Variants in EIF2B3 observed in about 807,000 individuals in gnomAD.
EIF2B3 encodes translation initiation factor eIF2B subunit gamma.
In EIF2B3, 20 loss-of-function variants were observed where a neutral mutation model predicts 54.1. The ratio of observed to expected loss-of-function variants is 0.37; its 90% confidence interval spans 0.26 to 0.54. The LOEUF is 0.54. Among genes scored for constraint, EIF2B3 ranks in the 20% least tolerant of loss-of-function variants. The pLI, the probability that EIF2B3 is intolerant of heterozygous loss-of-function variation, is 0.86. For synonymous variants in EIF2B3, 153 were observed against 188.1 expected (o/e 0.81, Z 1.52); for missense variants, 448 against 547.8 (o/e 0.82, Z 1.82).
intron 10 of EIF2B3, among the ~76,000 whole-genome samples, chr1:44,866,656 G>A (rs1287656339): frequency 6.6e-6 from 1 of 151,950 alleles, no homozygotes; most frequent in Admixed American, 6.6e-5. Flanking sequence ...CCCGGTTTAA[G>A]CGATTCTCCT....
chr1:44,866,624 G>A (rs983731340), intron 10 of EIF2B3, among the ~76,000 whole-genome samples: 7 of 151,516 alleles, frequency 4.6e-5, no homozygotes, highest in African/African-American at 1.7e-4. Flanking sequence ...GTGCAACCTC[G>A]GCTCACTGCA....
intron 10 of EIF2B3, among the ~76,000 whole-genome samples, chr1:44,868,757 C>G (rs1259908596): frequency 6.6e-6 from 1 of 152,136 alleles, no homozygotes; most frequent in African/African-American, 2.4e-5. Context: ...TTACCTGGAA[C>G]CAGGTGATCA....
chr1:44,941,514 T>A lies in EIF2B3; in HGVS notation c.446A>T (p.Lys149Ile). 1 of 1,604,830 alleles carries A rather than the reference T, an allele frequency of 6.2e-7. No individual in the cohort carries two copies. The highest frequency in any genetic ancestry group is 8.5e-7 in the Non-Finnish European group (1 of 1,176,274). The change falls in exon 4 of 12, where the codon AAA (lysine) becomes ATA (isoleucine). Residue 149 changes from lysine to isoleucine, a missense_variant. Physicochemically the swap from Lys to Ile is moderately radical, Grantham distance 102 (BLOSUM62 -3). Coordinates refer to ENST00000360403, the MANE Select transcript of EIF2B3 (RefSeq NM_020365.5). ...IEPVPGQKGK[K>I]KAVEQRDFIG... Reference sequence around the variant, plus strand: ...ACTCCAATCTTCCTTACCTGCTTTTTTTTTCCCCTTTTGACCGGGAACAGG... The same window carrying A: ...ACTCCAATCTTCCTTACCTGCTTTTATTTTCCCCTTTTGACCGGGAACAGG...
In EIF2B3 at chr1:44,942,377, TTATATATATATATATATA is replaced by T. The variant is rs1170326455; in HGVS notation, c.295-730_295-713del. Among the ~76,000 whole-genome samples, 15 of 21,598 alleles carry T rather than the reference TTATATATATATATATATA, an allele frequency of 6.9e-4. 1 individual carries two copies. The highest frequency in any genetic ancestry group is 6.5e-3 in the South Asian group (3 of 460). The allele number at this position is 21,598 out of a possible 152,430, so 14.2% of individuals were successfully genotyped here. A position where few individuals can be genotyped will look rare whatever the true frequency, so the allele number is the denominator to read the frequency against. On this transcript the variant is annotated intron_variant, in intron 3 of 11. Coordinates refer to ENST00000360403, the MANE Select transcript of EIF2B3 (RefSeq NM_020365.5). ...TCTCTTATTGGTGGGCTTTCTGATT[TTATATATATATATATATA>T]TATATATATATATATATATATATTT...
At chr1:44,975,214 A>G (rs1557713261) in intron 3 of EIF2B3, among the ~76,000 whole-genome samples, 1 of 151,914 alleles carries the variant, frequency 6.6e-6, no homozygotes, top group Non-Finnish European at 1.5e-5. Flanking sequence ...AGGCTGTCTC[A>G]AGAAAAAAAA....
At chr1:44,952,703 C>T (rs1371120356) in intron 3 of EIF2B3, among the ~76,000 whole-genome samples, 1 of 151,886 alleles carries the variant, frequency 6.6e-6, no homozygotes, top group Non-Finnish European at 1.5e-5. Flanking sequence ...CAGGCGCCCG[C>T]CACCACGCCC....
rs146928873 is a variant in EIF2B3 at position 44,892,883 on chromosome 1, T to C, written c.656+4472A>G. Among the ~76,000 whole-genome samples the C allele has an allele frequency of 4.7e-3, 714 of 152,278 alleles. 2 individuals carry two copies. The highest frequency in any genetic ancestry group is 7.3e-3 in the East Asian group (38 of 5,186). ...GCAATCTCTAGGACATCTAAGGATATGTAAGGAAACCAAGTACAGCCAAAT... is the reference window on the plus strand; with the variant it reads ...GCAATCTCTAGGACATCTAAGGATACGTAAGGAAACCAAGTACAGCCAAAT... On this transcript the variant is annotated intron_variant, in intron 6 of 11. Coordinates refer to ENST00000360403, the MANE Select transcript of EIF2B3 (RefSeq NM_020365.5).
At chr1:44,852,789 A>C (rs1654315871) in intron 11 of EIF2B3, among the ~76,000 whole-genome samples, 1 of 152,036 alleles carries the variant, frequency 6.6e-6, no homozygotes, top group Non-Finnish European at 1.5e-5. Context: ...CAAAAAAAAA[A>C]AAAAAAACAA....
intron 5 of EIF2B3, among the ~76,000 whole-genome samples, chr1:44,900,445 C>CA (rs34226720): frequency 0.28 from 11,212 of 40,646 alleles, 1,049 homozygotes; most frequent in East Asian, 0.4. Context: ...AGAATCATCT[C>CA]AAAAAAAAAA....
intron 3 of EIF2B3, among the ~76,000 whole-genome samples, chr1:44,978,068 C>G (rs139882399): frequency 4.1e-4 from 63 of 152,162 alleles, no homozygotes; most frequent in African/African-American, 1.3e-3. Context: ...CCCATCTATA[C>G]TAAAAATACA....
chr1:44,907,176 CCT>C (rs775339676), intron 5 of EIF2B3, among the ~76,000 whole-genome samples: 1 of 152,244 alleles, frequency 6.6e-6, no homozygotes, highest in Non-Finnish European at 1.5e-5. Context: ...CTCTCTGCAT[CCT>C]CTCTTACCCA....
chr1:44,876,040 C>T (rs989614310), intron 8 of EIF2B3, among the ~76,000 whole-genome samples: 3 of 152,270 alleles, frequency 2.0e-5, no homozygotes, highest in Non-Finnish European at 4.4e-5. Flanking sequence ...CCAGCCTCGG[C>T]CTCCCGAGGT....
intron 1 of EIF2B3, 47 bp from the exon 2 acceptor site, chr1:44,981,224 A>G: frequency 1.2e-6 from 2 of 1,603,172 alleles, no homozygotes; most frequent in South Asian, 2.2e-5. Flanking sequence ...CAATGTAACA[A>G]AAATCAAAGC....
At chr1:44,868,476 A>T (rs923339251) in intron 10 of EIF2B3, among the ~76,000 whole-genome samples, 2 of 150,262 alleles carry the variant, frequency 1.3e-5, no homozygotes, top group East Asian at 3.9e-4. Flanking sequence ...TCTTCATATC[A>T]ATTAGGACAC....
chr1:44,886,723 G>A (rs560435103), intron 6 of EIF2B3, among the ~76,000 whole-genome samples: 7 of 152,320 alleles, frequency 4.6e-5, no homozygotes, highest in East Asian at 1.9e-4. Context: ...GGCAAATGCC[G>A]AGCTGTAACC....
At chr1:44,916,810 CAAA>C (rs58666630) in intron 5 of EIF2B3, among the ~76,000 whole-genome samples, 2 of 111,316 alleles carry the variant, frequency 1.8e-5, no homozygotes. Flanking sequence ...GATTCTGTCG[CAAA>C]AAAAAAAAAA....
intron 3 of EIF2B3, among the ~76,000 whole-genome samples, chr1:44,975,876 C>T (rs969019647): frequency 2.0e-4 from 30 of 151,976 alleles, no homozygotes; most frequent in African/African-American, 6.5e-4. Flanking sequence ...GGCTGAGGCA[C>T]GAGAATCAGT....
At chr1:44,942,902 C>T (rs1245468463) in intron 3 of EIF2B3, among the ~76,000 whole-genome samples, 1 of 151,976 alleles carries the variant, frequency 6.6e-6, no homozygotes, top group Non-Finnish European at 1.5e-5. Flanking sequence ...GTTGCCCAAG[C>T]TGGAGTGCAC....
intron 10 of EIF2B3, among the ~76,000 whole-genome samples, chr1:44,860,531 G>A (rs182898304): frequency 2.3e-4 from 35 of 152,176 alleles, no homozygotes; most frequent in Non-Finnish European, 4.1e-4. Flanking sequence ...TTGCAGATGA[G>A]GTAACAGATT....
Sources: allele counts gnomAD v4.1 joint callset (sites outside exome capture counted in the v4.1 genomes callset), GRCh38; gene constraint gnomAD v4.1.1; transcripts MANE v1.5; gene names NCBI Gene and HGNC (gene_info 2026-07-23, HGNC 2026-07-21).